The following NEDD4 variants were observed in gnomAD, a reference collection of about 807,000 sequenced individuals.
NEDD4 encodes NEDD4 E3 ubiquitin protein ligase.
A neutral mutation model predicts 144.9 loss-of-function variants in NEDD4; 99 were observed. The observed-to-expected ratio is 0.68, with a 90% confidence interval of 0.58 to 0.81. The LOEUF (loss-of-function observed/expected upper bound fraction) is 0.81, where lower values mean the gene tolerates loss of function less well. NEDD4 is among the 30% of genes least tolerant of loss of function. NEDD4 has a pLI of 0.00. For missense variants in NEDD4, 985 were observed against 1,065.9 expected, an observed-to-expected ratio of 0.92 and a Z score of 1.06; for synonymous variants, 318 against 350.6, an observed-to-expected ratio of 0.91 and a Z score of 1.04.
chr15:55,846,062 C>T (rs2033729096), intron 18 of NEDD4, among the ~76,000 whole-genome samples: 1 of 152,052 alleles, frequency 6.6e-6, no homozygotes, highest in Non-Finnish European at 1.5e-5. Flanking sequence ...GCTGGGATTA[C>T]AGGCATGAGC....
At chr15:55,847,125 C>T (rs1425410507) in intron 17 of NEDD4, 91 bp from the exon 18 acceptor site, 2 of 659,248 alleles carry the variant, frequency 3.0e-6, no homozygotes, top group Non-Finnish European at 5.0e-6. Flanking sequence ...AACGTAAGGG[C>T]ATTAAAAGAA....
chr15:55,946,898 T>C (rs1472284311), intron 4 of NEDD4, among the ~76,000 whole-genome samples: 1 of 152,250 alleles, frequency 6.6e-6, no homozygotes, highest in Non-Finnish European at 1.5e-5. Context: ...AACCTGCTCC[T>C]GAATGACTAC....
At position 55,988,331 on chromosome 15, in the gene NEDD4, G is replaced by A. The variant is rs370943667; in HGVS notation, c.45+5180C>T. Among the ~76,000 whole-genome samples the A allele has an allele frequency of 3.0e-3, 298 of 99,148 alleles. 2 individuals carry two copies. Among genetic ancestry groups the A allele is most frequent in the African/African-American group, 0.011 (286 of 24,914 alleles). 65.0% of individuals were successfully genotyped at this position (99,148 alleles called of 152,430 possible). On this transcript the variant is annotated intron_variant, in intron 1 of 28. Coordinates refer to ENST00000435532, the MANE Select transcript of NEDD4 (RefSeq NM_006154.4). ...ACACTCTGGGGACTGTGGTGGGGTC[G>A]GGGGAGGGGGGAGGGATAGCATTGG... is the stretch of plus-strand genomic sequence containing the variant.
chr15:55,949,333 A>C (rs1348329960), intron 4 of NEDD4, among the ~76,000 whole-genome samples: 2 of 152,206 alleles, frequency 1.3e-5, no homozygotes, highest in African/African-American at 4.8e-5. Context: ...AGAAATAGGA[A>C]TACTTTTACA....
chr15:55,860,486 G>A lies in NEDD4; in HGVS notation c.881C>T (p.Pro294Leu), dbSNP rs2034356642. Residue 294 changes from proline to leucine, a missense_variant, in exon 11 of 29, where the codon CCA becomes CTA. Pro to Leu is a moderately conservative substitution (Grantham distance 98). Transcript: ENST00000435532. ...ATTCAATTCTTCTGCAAGATGAGTTGGAACATCCAAGTTACTTGACGGTGG... is the reference window on the plus strand; with the variant it reads ...ATTCAATTCTTCTGCAAGATGAGTTAGAACATCCAAGTTACTTGACGGTGG... ...SPPPSSNLDVPTHLAEELNAR... is the reference protein window; with the variant it reads ...SPPPSSNLDVLTHLAEELNAR... The A allele has an allele frequency of 1.2e-6, 2 of 1,614,116 alleles. No individual in the cohort carries two copies. The highest frequency in any genetic ancestry group is 1.7e-6 in the Non-Finnish European group (2 of 1,180,016).
rs553695725 is a variant in NEDD4 at position 55,832,761 on chromosome 15, G to T, written c.2527+247C>A. ...CGGATGCATACTGGGCATAGAATTT[G>T]AAGTTAAAGAACGGAAAGTGACTCA... is the stretch of plus-strand genomic sequence containing the variant. On this transcript the variant is annotated intron_variant, in intron 27 of 28. Transcript: ENST00000435532. 1.1e-4 allele frequency among the ~76,000 whole-genome samples: 17 copies of T among 152,188 alleles called. No homozygotes were observed. In the South Asian group the frequency reaches 3.5e-3, roughly 32 times the overall value.
chr15:55,993,017 A>C (rs1442273308), intron 1 of NEDD4, among the ~76,000 whole-genome samples: 3 of 152,314 alleles, frequency 2.0e-5, no homozygotes, highest in Non-Finnish European at 4.4e-5. Flanking sequence ...GATAAAGAAG[A>C]AAAAAACAAA....
chr15:55,839,796 T>C (rs1419069348), intron 21 of NEDD4, among the ~76,000 whole-genome samples: 1 of 150,938 alleles, frequency 6.6e-6, no homozygotes, highest in Non-Finnish European at 1.5e-5. Context: ...GTGAACACGG[T>C]GAAACCCCGT....
Position 55,830,099 on chromosome 15 carries a change from A to G in NEDD4, c.2601-100T>C, listed in dbSNP as rs1026420393. 15 of 801,212 alleles carry G rather than the reference A, an allele frequency of 1.9e-5. No homozygotes were observed. In the African/African-American group the frequency reaches 2.4e-4, roughly 13 times the overall value. 49.6% of individuals were successfully genotyped at this position (801,212 alleles called of 1,614,324 possible). On this transcript the variant is annotated intron_variant, in intron 28 of 28. Transcript: ENST00000435532. The stretch of plus-strand genomic sequence containing the variant: ...TGCTATTCTTGATGAGAATGTTCCA[A>G]CACCACCAAAATATGTCTTTTCACC...
chr15:55,847,943 G>T (rs1470144116), intron 17 of NEDD4, among the ~76,000 whole-genome samples: 3 of 152,158 alleles, frequency 2.0e-5, no homozygotes, highest in African/African-American at 7.2e-5. Flanking sequence ...GCCTCCCAAA[G>T]TGCTGGGATT....
intron 1 of NEDD4, among the ~76,000 whole-genome samples, chr15:55,976,329 A>G (rs1354208849): frequency 2.0e-5 from 3 of 152,238 alleles, no homozygotes; most frequent in Non-Finnish European, 4.4e-5. Flanking sequence ...ACTATCCAAC[A>G]AGAGACTAAT....
At chr15:55,877,572 A>C (rs1316900137) in intron 5 of NEDD4, among the ~76,000 whole-genome samples, 1 of 152,176 alleles carries the variant, frequency 6.6e-6, no homozygotes, top group African/African-American at 2.4e-5. Context: ...CTTTGAGGTT[A>C]TGTAAATAGC....
rs1018194636 is a variant in NEDD4 at position 55,847,145 on chromosome 15, G to A, written c.1543-111C>T. 2.6e-4 allele frequency: 143 copies of A among 541,358 alleles called. 1 individual carries two copies. Among genetic ancestry groups the A allele is most frequent in the Middle Eastern group, 3.6e-4 (1 of 2,740 alleles). 33.5% of individuals were successfully genotyped at this position (541,358 alleles called of 1,614,324 possible). A position where few individuals can be genotyped will look rare whatever the true frequency, so the allele number is the denominator to read the frequency against. ...AAGGGCATTAAAAGAAAAATATTTG[G>A]AAAGAAAAGTTTAATTAGAAGAAAA... On this transcript the variant is annotated intron_variant, in intron 17 of 28. Transcript: ENST00000435532.
intron 5 of NEDD4, among the ~76,000 whole-genome samples, chr15:55,904,611 T>C (rs17819282): frequency 0.088 from 13,416 of 152,196 alleles, 667 homozygotes; most frequent in Middle Eastern, 0.16. Context: ...CGTATTTCCA[T>C]ACACATTTTA....
intron 21 of NEDD4, 109 bp downstream of exon 21, chr15:55,840,338 G>A (rs2033446096): frequency 1.3e-5 from 12 of 948,594 alleles, no homozygotes; most frequent in Non-Finnish European, 1.8e-5. Flanking sequence ...TTTGTATTTT[G>A]AAACATGATA....
chr15:55,873,533 A>G (rs1342573574), intron 6 of NEDD4, among the ~76,000 whole-genome samples: 1 of 152,122 alleles, frequency 6.6e-6, no homozygotes, highest in African/African-American at 2.4e-5. Flanking sequence ...ATGTGATTCA[A>G]TAATGTTCTA....
At chr15:55,854,159 G>A (rs1169296501) in intron 12 of NEDD4, among the ~76,000 whole-genome samples, 5 of 147,236 alleles carry the variant, frequency 3.4e-5, no homozygotes, top group African/African-American at 1.2e-4. Context: ...CCTCCCCTCC[G>A]AAAAAAAAAA....
intron 2 of NEDD4, among the ~76,000 whole-genome samples, chr15:55,958,106 C>T (rs1421761220): frequency 6.6e-6 from 1 of 151,652 alleles, no homozygotes; most frequent in East Asian, 2.0e-4. Flanking sequence ...TACCCTAGAA[C>T]TTAACGTATA....
chr15:55,859,934 T>C lies in NEDD4; in HGVS notation c.960+473A>G, dbSNP rs572127737. On this transcript the variant is annotated intron_variant, in intron 11 of 28. Transcript: ENST00000435532. ...ACTGTTCTACTTTGCTAATCATAGC[T>C]TTAGCCTCACTACAGATAAGATTTG... is the stretch of plus-strand genomic sequence containing the variant. Among the ~76,000 whole-genome samples the C allele has an allele frequency of 2.0e-5, 3 of 152,322 alleles. No homozygotes were observed. The South Asian group carries it at 6.2e-4, about 32-fold the overall frequency.
Sources: allele counts gnomAD v4.1 joint callset (sites outside exome capture counted in the v4.1 genomes callset), GRCh38; gene constraint gnomAD v4.1.1; transcripts MANE v1.5; gene names NCBI Gene and HGNC (gene_info 2026-07-23, HGNC 2026-07-21).